The following KANK1 variants were observed in gnomAD, a reference collection of about 807,000 sequenced individuals.
The protein encoded by KANK1 is KN motif and ankyrin repeat domain-containing protein 1.
In KANK1, 109 loss-of-function variants were observed where a neutral mutation model predicts 106.2. The ratio of observed to expected loss-of-function variants is 1.03; its 90% CI spans 0.88 to 1.20. The LOEUF is 1.20. KANK1 is among the 50% of genes most tolerant of loss of function. The pLI, the probability that KANK1 is intolerant of heterozygous loss-of-function variation, is 0.00. For missense variants in KANK1, 2,399 were observed against 1,710.7 expected (o/e 1.40, Z -7.10); for synonymous variants, 873 against 652.2 (o/e 1.34, Z -5.16).
At chr9:740,118 A>T (rs887197587) in intron 8 of KANK1, among the ~76,000 whole-genome samples, 9 of 152,308 alleles carry the variant, frequency 5.9e-5, no homozygotes, top group African/African-American at 2.2e-4. Flanking sequence ...ATTTCAGAGA[A>T]AGTGCCGAAG....
chr9:707,283 C>A (rs1476007798), intron 2 of KANK1: 2 of 964,122 alleles, frequency 2.1e-6, no homozygotes, highest in African/African-American at 1.8e-5. Flanking sequence ...GCGGCCACCG[C>A]TGGCCGAATT....
rs1342820107 is a variant in KANK1 at position 523,626 on chromosome 9, C to T, written c.-84+18872C>T. On this transcript the variant is annotated intron_variant, in intron 1 of 11. Transcript: ENST00000382297. ...GCCTCTCCTGTGCTCGCCCCCACCT[C>T]TGCTCTTCCACAGGTGTCCCTTTTG... Among the ~76,000 whole-genome samples, 7 of 151,748 alleles carry T rather than the reference C, an allele frequency of 4.6e-5. No individual in the cohort carries two copies. The East Asian group carries it at 1.3e-3, about 29-fold the overall frequency.
At chr9:679,515 A>T (rs980567570) in intron 2 of KANK1, among the ~76,000 whole-genome samples, 1 of 152,150 alleles carries the variant, frequency 6.6e-6, no homozygotes, top group Non-Finnish European at 1.5e-5. Flanking sequence ...CCTGGGTTCA[A>T]GTGATTCTTG....
Position 743,041 on chromosome 9 carries a change from T to C in KANK1, c.3897+636T>C, listed in dbSNP as rs896274892. Among the ~76,000 whole-genome samples the C allele has an allele frequency of 3.3e-5, 5 of 152,208 alleles. No homozygotes were observed. The South Asian group carries it at 1.0e-3, about 32-fold the overall frequency. The stretch of plus-strand genomic sequence containing the variant: ...GACCGGGAAACTCAACCAAAGGGGG[T>C]ACTTTTGCGTGTCTCTAGGCCAAAG... On this transcript the variant is annotated intron_variant, in intron 10 of 11. Transcript: ENST00000382297.
intron 1 of KANK1, among the ~76,000 whole-genome samples, chr9:577,473 A>G (rs182065108): frequency 4.6e-5 from 7 of 151,812 alleles, no homozygotes; most frequent in Non-Finnish European, 1.0e-4. Context: ...CTTTAGCTAG[A>G]CACAGAGTGC....
At chr9:481,472 C>A (rs1323857216) in intron 3 of KANK1, among the ~76,000 whole-genome samples, 1 of 152,108 alleles carries the variant, frequency 6.6e-6, no homozygotes, top group East Asian at 1.9e-4. Flanking sequence ...CTAATAAGAG[C>A]CAAACACATT....
chr9:617,789 T>G (rs1446461452), intron 1 of KANK1, among the ~76,000 whole-genome samples: 1 of 152,230 alleles, frequency 6.6e-6, no homozygotes, highest in Non-Finnish European at 1.5e-5. Context: ...GATTGCTTCT[T>G]CCACTTTCCT....
intron 1 of KANK1, among the ~76,000 whole-genome samples, chr9:672,799 A>G (rs1815491788): frequency 1.3e-5 from 2 of 152,234 alleles, no homozygotes; most frequent in African/African-American, 2.4e-5. Flanking sequence ...TAAAACATGC[A>G]TCAGCATCCT....
At chr9:734,391 C>T (rs1053974391) in intron 6 of KANK1, 14 of 193,224 alleles carry the variant, frequency 7.2e-5, no homozygotes, top group Admixed American at 2.1e-4. Flanking sequence ...GTTGAAGCTG[C>T]GCAGTGTCCC....
chr9:652,903 C>T (rs538827800), intron 1 of KANK1, among the ~76,000 whole-genome samples: 7 of 152,210 alleles, frequency 4.6e-5, no homozygotes, highest in African/African-American at 7.2e-5. Context: ...AAGTAGCCAC[C>T]CTGGGAGCTG....
At chr9:521,152 A>G (rs1261770973) in intron 1 of KANK1, among the ~76,000 whole-genome samples, 1 of 151,826 alleles carries the variant, frequency 6.6e-6, no homozygotes, top group East Asian at 1.9e-4. Context: ...CTTTGAAGCA[A>G]GATGACAAAA....
intron 1 of KANK1, chr9:660,116 CT>C: frequency 2.3e-6 from 1 of 432,350 alleles, no homozygotes. Flanking sequence ...CAGGAAGACC[CT>C]TACTACTGTC....
intron 2 of KANK1, among the ~76,000 whole-genome samples, chr9:687,571 C>T (rs1178160106): frequency 1.3e-5 from 2 of 152,128 alleles, no homozygotes; most frequent in East Asian, 3.8e-4. Flanking sequence ...ATAGGGGCAT[C>T]TGCTCCCTCC....
intron 1 of KANK1, among the ~76,000 whole-genome samples, chr9:538,371 T>G (rs2060415490): frequency 6.6e-6 from 1 of 152,142 alleles, no homozygotes; most frequent in African/African-American, 2.4e-5. Flanking sequence ...GGGGCAGACA[T>G]CTTACACATT....
intron 1 of KANK1, among the ~76,000 whole-genome samples, chr9:593,263 A>G (rs1825415367): frequency 6.6e-6 from 1 of 151,802 alleles, no homozygotes. Flanking sequence ...TTAACTCTGA[A>G]AATTAAAATT....
At chr9:564,647 A>G (rs1391083715) in intron 1 of KANK1, among the ~76,000 whole-genome samples, 1 of 152,234 alleles carries the variant, frequency 6.6e-6, no homozygotes, top group South Asian at 2.1e-4. Flanking sequence ...GCCCATGCCT[A>G]CTTTTGGTGT....
chr9:556,151 A>T (rs1485169119), intron 1 of KANK1, among the ~76,000 whole-genome samples: 4 of 152,232 alleles, frequency 2.6e-5, no homozygotes, highest in African/African-American at 9.6e-5. Flanking sequence ...AAGCATTTTA[A>T]AAAATCTTAT....
At chr9:607,201 G>A (rs1351176445) in intron 1 of KANK1, among the ~76,000 whole-genome samples, 3 of 151,754 alleles carry the variant, frequency 2.0e-5, no homozygotes, top group Non-Finnish European at 2.9e-5. Flanking sequence ...AAAGCAGATG[G>A]TTAGCAAGGG....
At chr9:513,870 A>T (rs561261135) in intron 1 of KANK1, among the ~76,000 whole-genome samples, 7 of 152,282 alleles carry the variant, frequency 4.6e-5, no homozygotes, top group African/African-American at 1.7e-4. Flanking sequence ...TACAAAAATT[A>T]GCTGGGCTTG....
Sources: gnomAD v4.1 joint callset for allele counts (sites outside exome capture counted in the v4.1 genomes callset) on GRCh38, gnomAD v4.1.1 for gene constraint, MANE v1.5 for transcripts, NCBI Gene and HGNC (gene_info 2026-07-23, HGNC 2026-07-21) for gene names.